CDH13: variants seen among roughly 807,000 people sequenced by gnomAD.
CDH13 encodes cadherin-13.
CDH13 carries 24 observed loss-of-function variants against 63.8 expected under a neutral mutation model. The observed-to-expected ratio is 0.38, with a 90% CI of 0.27 to 0.53. CDH13 has a LOEUF of 0.53. Among genes scored for constraint, CDH13 ranks in the 20% least tolerant of loss-of-function variants. The pLI is 0.85. For synonymous variants in CDH13, 503 were observed against 355.3 expected (o/e 1.42, Z -4.67); for missense variants, 1,049 against 903.1 (o/e 1.16, Z -2.07).
intron 4 of CDH13, among the ~76,000 whole-genome samples, chr16:83,211,892 A>G (rs2039349437): frequency 6.6e-6 from 1 of 151,836 alleles, no homozygotes; most frequent in South Asian, 2.1e-4. Context: ...TATTTTTTCC[A>G]TTCCAACTCA....
chr16:83,153,598 T>G (rs1271824850), intron 4 of CDH13, among the ~76,000 whole-genome samples: 1 of 152,204 alleles, frequency 6.6e-6, no homozygotes, highest in Non-Finnish European at 1.5e-5. Flanking sequence ...AGGGACAGTT[T>G]GGAGGTTCGA....
intron 2 of CDH13, among the ~76,000 whole-genome samples, chr16:82,913,312 C>G (rs768099545): frequency 6.6e-6 from 1 of 152,134 alleles, no homozygotes; most frequent in Non-Finnish European, 1.5e-5. Context: ...GAGCCGCCGG[C>G]TCATTCAGAA....
intron 2 of CDH13, among the ~76,000 whole-genome samples, chr16:83,023,599 T>C (rs1915542052): frequency 6.6e-6 from 1 of 152,190 alleles, no homozygotes; most frequent in African/African-American, 2.4e-5. Flanking sequence ...ACCCAGGAAG[T>C]TGTCTCTATA....
chr16:83,368,609 T>G (rs2151393821), intron 6 of CDH13, among the ~76,000 whole-genome samples: 1 of 152,048 alleles, frequency 6.6e-6, no homozygotes, highest in South Asian at 2.1e-4. Flanking sequence ...GAGATTTTGG[T>G]GTACCCATCA....
chr16:83,470,357 A>G (rs1407895390), intron 6 of CDH13, among the ~76,000 whole-genome samples: 3 of 152,024 alleles, frequency 2.0e-5, no homozygotes, highest in South Asian at 2.1e-4. Context: ...CACCCAGCCA[A>G]TCTCTGCTGC....
intron 1 of CDH13, among the ~76,000 whole-genome samples, chr16:82,856,816 C>G (rs1049256882): frequency 1.3e-5 from 2 of 150,290 alleles, no homozygotes; most frequent in African/African-American, 2.5e-5. Context: ...TGTGAGTTAT[C>G]AAGCTAGATT....
intron 2 of CDH13, among the ~76,000 whole-genome samples, chr16:82,974,440 G>A (rs917536139): frequency 1.6e-4 from 25 of 152,090 alleles, no homozygotes; most frequent in African/African-American, 5.3e-4. Flanking sequence ...GGTGTAAAAG[G>A]TTCCTTGGCT....
intron 7 of CDH13, among the ~76,000 whole-genome samples, chr16:83,569,586 T>A (rs7198318): frequency 0.57 from 86,396 of 152,076 alleles, 25,027 homozygotes; most frequent in East Asian, 0.67. Context: ...GGCTCAATTG[T>A]GAAATCCCTC....
chr16:83,462,850 C>T (rs112954403), intron 6 of CDH13, among the ~76,000 whole-genome samples: 11 of 152,232 alleles, frequency 7.2e-5, no homozygotes, highest in African/African-American at 2.4e-4. Context: ...ACTTACTCAT[C>T]AATTTGTCCA....
chr16:82,736,150 A>G (rs75215808), intron 1 of CDH13, among the ~76,000 whole-genome samples: 325 of 152,314 alleles, frequency 2.1e-3, no homozygotes, highest in African/African-American at 7.6e-3. Flanking sequence ...TCCTTTGCTT[A>G]GGGACTGGTC....
chr16:83,419,587 A>G (rs1333786167), intron 6 of CDH13, among the ~76,000 whole-genome samples: 1 of 152,214 alleles, frequency 6.6e-6, no homozygotes, highest in Non-Finnish European at 1.5e-5. Context: ...TATTGAGCCA[A>G]TAATATCTAG....
intron 5 of CDH13, among the ~76,000 whole-genome samples, chr16:83,238,188 G>A (rs1336115639): frequency 6.6e-6 from 1 of 151,070 alleles, no homozygotes. Flanking sequence ...TTTTCATACT[G>A]CTATGAAGAA....
chr16:83,047,651 C>T lies in CDH13; in HGVS notation c.366+15433C>T, dbSNP rs961982098. The stretch of plus-strand genomic sequence containing the variant: ...ATGGCAGAGATTTGACTGACTTGTT[C>T]GTTGCTATAAATCTAGCACTTACAA... On this transcript the variant is annotated intron_variant, in intron 3 of 13. Coordinates refer to ENST00000567109, the MANE Select transcript of CDH13 (RefSeq NM_001257.5). This position sits in a 1 kb window ranked among gnomAD's most constrained non-coding sequence, Gnocchi z 4.9. Among the ~76,000 whole-genome samples the T allele has an allele frequency of 7.2e-5, 11 of 152,130 alleles. No homozygotes were observed. The highest frequency in any genetic ancestry group is 7.2e-5 in the African/African-American group (3 of 41,422).
intron 2 of CDH13, among the ~76,000 whole-genome samples, chr16:82,873,522 C>T (rs1012991014): frequency 6.6e-6 from 1 of 152,060 alleles, no homozygotes; most frequent in Admixed American, 6.6e-5. Context: ...GTGTGGGCTC[C>T]TAGGTTATAT....
At chr16:82,808,573 G>C (rs901647880) in intron 1 of CDH13, among the ~76,000 whole-genome samples, 10 of 152,114 alleles carry the variant, frequency 6.6e-5, no homozygotes. Context: ...CCAAGAAGAA[G>C]GCTCTTTTTC....
chr16:83,382,742 C>G (rs145517047), intron 6 of CDH13, among the ~76,000 whole-genome samples: 9 of 152,332 alleles, frequency 5.9e-5, no homozygotes, highest in African/African-American at 2.2e-4. Flanking sequence ...TCAGATCTGT[C>G]CAGCTGTCCT....
intron 11 of CDH13, among the ~76,000 whole-genome samples, chr16:83,779,631 T>TG (rs1915379393): frequency 1.3e-5 from 2 of 152,022 alleles, no homozygotes; most frequent in African/African-American, 4.8e-5. Flanking sequence ...GAAATCAGCC[T>TG]GGGTAACATA....
chr16:83,112,110 T>C (rs1014373084), intron 3 of CDH13, among the ~76,000 whole-genome samples: 1 of 152,276 alleles, frequency 6.6e-6, no homozygotes, highest in African/African-American at 2.4e-5. Flanking sequence ...GCTTTACTTA[T>C]TCATTTTATC....
At chr16:83,131,598 G>C (rs1256157657) in intron 4 of CDH13, among the ~76,000 whole-genome samples, 1 of 152,120 alleles carries the variant, frequency 6.6e-6, no homozygotes, top group Non-Finnish European at 1.5e-5. Flanking sequence ...GATTGATTGA[G>C]AGCAGGGGAC....
Sources: allele counts gnomAD v4.1 joint callset (sites outside exome capture counted in the v4.1 genomes callset), GRCh38; gene constraint gnomAD v4.1.1; non-coding constraint Gnocchi (gnomAD v3.1); transcripts MANE v1.5; gene names NCBI Gene and HGNC (gene_info 2026-07-23, HGNC 2026-07-21).